Variants in KCNJ13 observed in about 807,000 individuals in gnomAD.
KCNJ13 encodes the protein potassium inwardly rectifying channel subfamily J member 13.
KCNJ13 carries 9 observed loss-of-function variants against 24.6 expected under a neutral mutation model. The observed-to-expected ratio is 0.37, with a 90% CI of 0.22 to 0.64. KCNJ13 has a LOEUF of 0.64. Among genes scored for constraint, KCNJ13 ranks in the 30% least tolerant of loss-of-function variants. The pLI, the probability that KCNJ13 is intolerant of heterozygous loss-of-function variation, is 0.64. For synonymous variants in KCNJ13, 148 were observed against 154.7 expected (o/e 0.96, Z 0.32); for missense variants, 337 against 443.8 (o/e 0.76, Z 2.16).
Position 232,767,897 on chromosome 2 carries a change from C to T in KCNJ13, c.*294G>A. The T allele has an allele frequency of 5.5e-6, 2 of 362,042 alleles. No homozygotes were observed. Among genetic ancestry groups the T allele is most frequent in the Non-Finnish European group, 1.0e-5 (2 of 194,218 alleles). 22.4% of individuals were successfully genotyped at this position (362,042 alleles called of 1,614,324 possible). On this transcript the variant is annotated 3_prime_UTR_variant, in exon 3 of 3. Transcript: ENST00000233826. ...TGTTAAACTTCACTGTCCATTTTGC[C>T]TTCATTACTAGTATCATACCACATT...
At chr2:232,773,617 C>T (rs1161936394) in intron 1 of KCNJ13, among the ~76,000 whole-genome samples, 1 of 152,030 alleles carries the variant, frequency 6.6e-6, no homozygotes, top group Non-Finnish European at 1.5e-5. Flanking sequence ...TCTCAAGTAT[C>T]TGTATTAAAC....
chr2:232,771,974 A>G (rs969033349), intron 1 of KCNJ13, among the ~76,000 whole-genome samples: 1 of 152,172 alleles, frequency 6.6e-6, no homozygotes, highest in African/African-American at 2.4e-5. Flanking sequence ...TAGCCTATTC[A>G]GAGTTTGATT....
rs935760660 is a variant in KCNJ13 at position 232,768,938 on chromosome 2, A to T, written c.461-125T>A. 1.3e-5 allele frequency: 10 copies of T among 768,420 alleles called. No individual in the cohort carries two copies. In the African/African-American group the frequency reaches 1.8e-4, roughly 13 times the overall value. The allele number at this position is 768,420 out of a possible 1,614,324, so 47.6% of individuals were successfully genotyped here. A position where few individuals can be genotyped will look rare whatever the true frequency, so the allele number is the denominator to read the frequency against. On this transcript the variant is annotated intron_variant, in intron 2 of 2. Transcript: ENST00000233826. ...GTGCCATGCCTTTCAGTGAGTCAGG[A>T]ATTGAACTCATTGTTAATTTGGTCA... is the stretch of plus-strand genomic sequence containing the variant.
chr2:232,768,529 G>A lies in KCNJ13; in HGVS notation c.745C>T (p.Pro249Ser), dbSNP rs201555149. 6.2e-6 allele frequency: 10 copies of A among 1,613,998 alleles called. No individual in the cohort carries two copies. Among genetic ancestry groups the A allele is most frequent in the East Asian group, 4.5e-5 (2 of 44,888 alleles). Reference sequence around the variant, plus strand: ...AGCAGAGTAGCCAGAGGACTTGATGGTGTAATGGAGTGATAGTACGTTAGT... The same window carrying A: ...AGCAGAGTAGCCAGAGGACTTGATGATGTAATGGAGTGATAGTACGTTAGT... ...FPLTYYHSITPSSPLATLLQH... is the reference protein window; with the variant it reads ...FPLTYYHSITSSSPLATLLQH... Residue 249 changes from proline to serine, a missense_variant, in exon 3 of 3, where the codon CCA (proline) becomes TCA (serine). Pro to Ser is a moderately conservative substitution (Grantham distance 74). Transcript: ENST00000233826.
intron 1 of KCNJ13, among the ~76,000 whole-genome samples, chr2:232,773,935 G>T (rs1164734489): frequency 2.7e-5 from 4 of 146,256 alleles, no homozygotes; most frequent in Non-Finnish European, 4.5e-5. Context: ...AAAAAAAAAG[G>T]TGTCTTAAGT....
chr2:232,772,289 G>C (rs149353417), intron 1 of KCNJ13, among the ~76,000 whole-genome samples: 408 of 152,162 alleles, frequency 2.7e-3, no homozygotes, highest in African/African-American at 9.6e-3. Flanking sequence ...TTTCTGTCCT[G>C]GATGATGGAT....
Position 232,768,483 on chromosome 2 carries a change from T to G in KCNJ13, c.791A>C (p.His264Pro). 1.2e-6 allele frequency: 2 copies of G among 1,614,096 alleles called. No homozygotes were observed. The highest frequency in any genetic ancestry group is 1.7e-6 in the Non-Finnish European group (2 of 1,179,998). Residue 264 changes from histidine to proline, a missense_variant, in exon 3 of 3, where the codon CAC (histidine) becomes CCC (proline). By Grantham distance (77) the His-to-Pro change is moderately conservative. This residue lies in a region of KCNJ13 where 235 missense variants were observed against 286.9 expected (regional missense o/e 0.82). Coordinates refer to ENST00000233826, the MANE Select transcript of KCNJ13 (RefSeq NM_002242.4). ...TGAAAGGAATACAACTAATTCAAAG[T>G]GAGAAGGATTTTCATGCTGGAGCAG... ...ATLLQHENPS[H>P]FELVVFLSAM...
At chr2:232,776,019 A>G (rs1319692174) in intron 1 of KCNJ13, among the ~76,000 whole-genome samples, 2 of 152,124 alleles carry the variant, frequency 1.3e-5, no homozygotes, top group African/African-American at 4.8e-5. Context: ...CGATTAGGAT[A>G]CTCATCACTT....
At chr2:232,773,989 C>A (rs892661055) in intron 1 of KCNJ13, among the ~76,000 whole-genome samples, 2 of 147,726 alleles carry the variant, frequency 1.4e-5, no homozygotes, top group African/African-American at 5.0e-5. Context: ...TTACAGATAA[C>A]GAAAGTGAGG....
chr2:232,768,099 A>C lies in KCNJ13; in HGVS notation c.*92T>G. The stretch of plus-strand genomic sequence containing the variant: ...TACCGTGATGTAGAGAGCTATAATT[A>C]GCATTGAAAAAAGAAAACATGAGAT... On this transcript the variant is annotated 3_prime_UTR_variant, in exon 3 of 3. Coordinates refer to ENST00000233826, the MANE Select transcript of KCNJ13 (RefSeq NM_002242.4). 1.6e-6 allele frequency: 2 copies of C among 1,256,274 alleles called. No individual in the cohort carries two copies. Among genetic ancestry groups the C allele is most frequent in the South Asian group, 1.2e-5 (1 of 81,926 alleles). 77.8% of individuals were successfully genotyped at this position (1,256,274 alleles called of 1,614,324 possible).
rs1042298486 is a variant in KCNJ13 at position 232,771,075 on chromosome 2, G to T, written c.288C>A (p.His96Gln). 7 of 1,614,008 alleles carry T rather than the reference G, an allele frequency of 4.3e-6. No individual in the cohort carries two copies. The highest frequency in any genetic ancestry group is 1.1e-5 in the South Asian group (1 of 91,088). ...TGGTGATATACTTGACACAGATAGT[G>T]TGGTTTTCAGGTGGGGCATCATGAT... ...ELDHDAPPENHTICVKYITSF... is the reference protein window; with the variant it reads ...ELDHDAPPENQTICVKYITSF... Residue 96 changes from histidine to glutamine, a missense_variant, in exon 2 of 3, where the codon CAC becomes CAA. By Grantham distance (24) the His-to-Gln change is conservative. Transcript: ENST00000233826.
At chr2:232,772,706 A>G (rs560592779) in intron 1 of KCNJ13, among the ~76,000 whole-genome samples, 5 of 152,272 alleles carry the variant, frequency 3.3e-5, no homozygotes, top group South Asian at 4.1e-4. Flanking sequence ...CTTGTTTGCT[A>G]CAATTCAGGA....
In KCNJ13 at chr2:232,766,127, A is replaced by G; in HGVS notation, c.*2064T>C. On this transcript the variant is annotated 3_prime_UTR_variant, in exon 3 of 3. Transcript: ENST00000233826. ...TCCTTAACCTAGAAACTGTGATTTG[A>G]AATAAGTGAAAGAAACAATGAACAG... is the stretch of plus-strand genomic sequence containing the variant. 2.6e-6 allele frequency: 1 copy of G among 388,188 alleles called. No individual in the cohort carries two copies. The allele number at this position is 388,188 out of a possible 1,614,324, so 24.0% of individuals were successfully genotyped here. A position where few individuals can be genotyped will look rare whatever the true frequency, so the allele number is the denominator to read the frequency against.
chr2:232,769,668 A>G (rs773686065), intron 2 of KCNJ13, among the ~76,000 whole-genome samples: 6 of 152,234 alleles, frequency 3.9e-5, no homozygotes, highest in Admixed American at 2.0e-4. Context: ...GCCCTAAGCT[A>G]TATATAAGAG....
chr2:232,769,245 T>C (rs1574857884), intron 2 of KCNJ13, among the ~76,000 whole-genome samples: 1 of 152,058 alleles, frequency 6.6e-6, no homozygotes, highest in Non-Finnish European at 1.5e-5. Flanking sequence ...ATGAGTGATA[T>C]TTTGGCCAGG....
chr2:232,771,439 G>T, intron 1 of KCNJ13, 61 bp from the exon 2 acceptor site: 2 of 1,122,538 alleles, frequency 1.8e-6, no homozygotes, highest in East Asian at 2.4e-5. Flanking sequence ...TTGTGAATTT[G>T]GAGAGCTCAT....
rs545498461 is a variant in KCNJ13 at position 232,767,660 on chromosome 2, T to A, written c.*531A>T. 1 of 157,928 alleles carries A rather than the reference T, an allele frequency of 6.3e-6. No individual in the cohort carries two copies. Among genetic ancestry groups the A allele is most frequent in the East Asian group, 1.9e-4 (1 of 5,322 alleles). 9.8% of individuals were successfully genotyped at this position (157,928 alleles called of 1,614,324 possible). On this transcript the variant is annotated 3_prime_UTR_variant, in exon 3 of 3. Transcript: ENST00000233826. ...AATTTTTGTTCTTAGTTGTTAAAAATTAAGGAGGTAATACTTACTCAAGTT... is the reference window on the plus strand; with the variant it reads ...AATTTTTGTTCTTAGTTGTTAAAAAATAAGGAGGTAATACTTACTCAAGTT...
rs967872871 is a variant in KCNJ13 at position 232,766,142 on chromosome 2, A to G, written c.*2049T>C. ...CTGTGATTTGAAATAAGTGAAAGAA[A>G]CAATGAACAGTCCTCCCAGAAACTT... On this transcript the variant is annotated 3_prime_UTR_variant, in exon 3 of 3. Coordinates refer to ENST00000233826, the MANE Select transcript of KCNJ13 (RefSeq NM_002242.4). Among the ~76,000 whole-genome samples, 1 of 152,226 alleles carries G rather than the reference A, an allele frequency of 6.6e-6. No homozygotes were observed. Among genetic ancestry groups the G allele is most frequent in the African/African-American group, 2.4e-5 (1 of 41,462 alleles).
intron 1 of KCNJ13, among the ~76,000 whole-genome samples, chr2:232,773,768 G>A (rs920011916): frequency 6.6e-6 from 1 of 151,984 alleles, no homozygotes; most frequent in Non-Finnish European, 1.5e-5. Context: ...CACAGAGTAA[G>A]CTCTCAGTAA....
Sources: gnomAD v4.1 joint callset for allele counts (sites outside exome capture counted in the v4.1 genomes callset) on GRCh38, gnomAD v4.1.1 for gene constraint, gnomAD v4.1.1 regional missense constraint, MANE v1.5 for transcripts, NCBI Gene and HGNC (gene_info 2026-07-23, HGNC 2026-07-21) for gene names.